The following CACNA1C variants were observed in gnomAD, a reference collection of about 807,000 sequenced individuals.
CACNA1C encodes the protein voltage-dependent L-type calcium channel subunit alpha-1C.
CACNA1C carries 30 observed loss-of-function variants against 229.0 expected under a neutral mutation model. The observed-to-expected ratio is 0.13, with a 90% confidence interval of 0.10 to 0.18. CACNA1C has a LOEUF of 0.18. Ranked by LOEUF, CACNA1C falls within the 10% of genes least tolerant of loss-of-function variation. The probability of loss-of-function intolerance (pLI) is 1.00; values close to 1 mark genes in which losing one functional copy is unlikely to be tolerated. For missense variants in CACNA1C, 1,658 were observed against 2,845.0 expected (o/e 0.58, Z 9.49); for synonymous variants, 1,114 against 1,132.5 (o/e 0.98, Z 0.33).
intron 3 of CACNA1C, among the ~76,000 whole-genome samples, chr12:2,424,002 C>T (rs1203094722): frequency 1.3e-5 from 2 of 152,130 alleles, no homozygotes; most frequent in African/African-American, 4.8e-5. Flanking sequence ...CTCCCCTCCT[C>T]TTGGGAGAGA....
At chr12:2,390,232 A>G (rs1320931412) in intron 3 of CACNA1C, among the ~76,000 whole-genome samples, 8 of 152,184 alleles carry the variant, frequency 5.3e-5, no homozygotes, top group Non-Finnish European at 1.2e-4. Flanking sequence ...GGGGGCCCTG[A>G]CCAAACAGGA....
intron 7 of CACNA1C, among the ~76,000 whole-genome samples, chr12:2,500,060 A>AT (rs2099755670): frequency 6.6e-6 from 1 of 152,142 alleles, no homozygotes; most frequent in Non-Finnish European, 1.5e-5. Flanking sequence ...GCAGCCGAGC[A>AT]TTGCTCACCC....
At chr12:1,975,881 T>C (rs976600202) in intron 1 of CACNA1C, among the ~76,000 whole-genome samples, 1 of 152,180 alleles carries the variant, frequency 6.6e-6, no homozygotes, top group East Asian at 1.9e-4. Flanking sequence ...CTGGCAGTTA[T>C]GATGGAGAAG....
chr12:2,392,161 C>T (rs953380194), intron 3 of CACNA1C, among the ~76,000 whole-genome samples: 6 of 152,178 alleles, frequency 3.9e-5, no homozygotes, highest in African/African-American at 1.4e-4. Context: ...TTCAAGTCAG[C>T]ATTTTTTCCA....
chr12:2,583,758 A>G lies in CACNA1C; in HGVS notation c.2225-745A>G, dbSNP rs112431190. Reference sequence around the variant, plus strand: ...GGTCGTTGGGAGTTTTCATGGGATCATGCATGCAAGGCCTCTGCCACATTC... The same window carrying G: ...GGTCGTTGGGAGTTTTCATGGGATCGTGCATGCAAGGCCTCTGCCACATTC... On this transcript the variant is annotated intron_variant, in intron 15 of 46. Transcript: ENST00000399655. Among the ~76,000 whole-genome samples, 5 of 152,300 alleles carry G rather than the reference A, an allele frequency of 3.3e-5. 1 individual carries two copies. Among genetic ancestry groups the G allele is most frequent in the South Asian group, 2.1e-4 (1 of 4,828 alleles).
At chr12:2,412,338 C>T (rs1234253141) in intron 3 of CACNA1C, among the ~76,000 whole-genome samples, 10 of 152,206 alleles carry the variant, frequency 6.6e-5, no homozygotes, top group Non-Finnish European at 1.2e-4. Context: ...CAGGCAGTGA[C>T]GTTTGTGGCT....
intron 1 of CACNA1C, among the ~76,000 whole-genome samples, chr12:2,102,217 G>A (rs74590176): frequency 0.025 from 3,852 of 152,238 alleles, 168 homozygotes; most frequent in African/African-American, 0.089. Context: ...ACTTCTGCAC[G>A]GAAACCTTTG....
At chr12:2,261,668 C>G (rs1436487135) in intron 3 of CACNA1C, among the ~76,000 whole-genome samples, 1 of 152,172 alleles carries the variant, frequency 6.6e-6, no homozygotes, top group East Asian at 1.9e-4. Flanking sequence ...ACAAACAGCA[C>G]TATTTACTAG....
intron 3 of CACNA1C, among the ~76,000 whole-genome samples, chr12:2,343,592 TA>T (rs2096924813): frequency 6.6e-6 from 1 of 152,254 alleles, no homozygotes; most frequent in Admixed American, 6.5e-5. Context: ...TCCTGTATTT[TA>T]TCTGTAGCCC....
intron 3 of CACNA1C, among the ~76,000 whole-genome samples, chr12:2,197,213 C>T (rs997224966): frequency 1.3e-5 from 2 of 152,114 alleles, no homozygotes; most frequent in East Asian, 1.9e-4. Context: ...ACCACGCCCT[C>T]GGGAAGTTTA....
chr12:2,186,123 C>T (rs1045557138), intron 3 of CACNA1C, among the ~76,000 whole-genome samples: 4 of 152,206 alleles, frequency 2.6e-5, no homozygotes. Context: ...GAGCTTCTTT[C>T]AGTCCTCTCA....
chr12:2,292,752 G>C (rs1201498898), intron 3 of CACNA1C, among the ~76,000 whole-genome samples: 1 of 152,158 alleles, frequency 6.6e-6, no homozygotes, highest in African/African-American at 2.4e-5. Flanking sequence ...CTAGTTCTCA[G>C]CCAATCTCTT....
At chr12:2,448,225 G>A (rs2085623754) in intron 3 of CACNA1C, among the ~76,000 whole-genome samples, 1 of 152,180 alleles carries the variant, frequency 6.6e-6, no homozygotes, top group South Asian at 2.1e-4. Flanking sequence ...AGGTGGCAGG[G>A]GAGGAAGAAG....
At chr12:2,112,713 A>G (rs2082248800) in intron 1 of CACNA1C, among the ~76,000 whole-genome samples, 1 of 152,182 alleles carries the variant, frequency 6.6e-6, no homozygotes, top group Non-Finnish European at 1.5e-5. Flanking sequence ...TCTTGGGATC[A>G]TGCAGGGGTG....
chr12:2,519,586 G>A lies in CACNA1C; in HGVS notation c.1390+6602G>A, dbSNP rs116410516. Among the ~76,000 whole-genome samples the A allele has an allele frequency of 3.6e-3, 543 of 152,334 alleles. 2 individuals carry two copies. Among genetic ancestry groups the A allele is most frequent in the African/African-American group, 0.012 (502 of 41,578 alleles). ...GCCCCCCATACGTGTGGACAGTGGC[G>A]ATGACAGGGAAATTGAAGTGCCGTG... On this transcript the variant is annotated intron_variant, in intron 9 of 46. Coordinates refer to ENST00000399655, the MANE Select transcript of CACNA1C (RefSeq NM_000719.7).
intron 1 of CACNA1C, among the ~76,000 whole-genome samples, chr12:2,056,872 A>G (rs770496135): frequency 6.6e-6 from 1 of 152,206 alleles, no homozygotes; most frequent in African/African-American, 2.4e-5. Flanking sequence ...CACTAACAGT[A>G]TTTAAGTGTG....
At position 2,417,423 on chromosome 12, in the gene CACNA1C, G is replaced by A. The variant is rs187097134; in HGVS notation, c.478-31553G>A. ...AGTGCTTGTGGGTGCTTTTAAAAACGCTAATGCCTGGGGCCCTTCCCTGGC... is the reference window on the plus strand; with the variant it reads ...AGTGCTTGTGGGTGCTTTTAAAAACACTAATGCCTGGGGCCCTTCCCTGGC... On this transcript the variant is annotated intron_variant, in intron 3 of 46. Coordinates refer to ENST00000399655, the MANE Select transcript of CACNA1C (RefSeq NM_000719.7). Among the ~76,000 whole-genome samples, 796 of 152,272 alleles carry A rather than the reference G, an allele frequency of 5.2e-3. 3 individuals carry two copies. The highest frequency in any genetic ancestry group is 0.01 in the Middle Eastern group (3 of 294).
Position 2,597,457 on chromosome 12 carries a change from T to C in CACNA1C, c.2853+168T>C. ...TTCAGATCCTAGGCAATGCAGACTA[T>C]GTCTTCACTAGTATCTTTACATTAG... On this transcript the variant is annotated intron_variant, in intron 21 of 46. Transcript: ENST00000399655. This position sits in a 1 kb window ranked among gnomAD's most constrained non-coding sequence, Gnocchi z 4.3. 2 of 1,610,488 alleles carry C rather than the reference T, an allele frequency of 1.2e-6. No individual in the cohort carries two copies. The highest frequency in any genetic ancestry group is 1.7e-6 in the Non-Finnish European group (2 of 1,176,708).
At chr12:2,139,908 T>C (rs566652226) in intron 3 of CACNA1C, among the ~76,000 whole-genome samples, 5 of 151,230 alleles carry the variant, frequency 3.3e-5, no homozygotes, top group African/African-American at 4.8e-5. Context: ...ACCGAGGCCA[T>C]CCAGGGAAGG....
Sources: gnomAD v4.1 joint callset for allele counts (sites outside exome capture counted in the v4.1 genomes callset) on GRCh38, gnomAD v4.1.1 for gene constraint, Gnocchi (gnomAD v3.1) non-coding constraint, MANE v1.5 for transcripts, NCBI Gene and HGNC (gene_info 2026-07-23, HGNC 2026-07-21) for gene names.